The following CHRNA2 variants were observed in gnomAD, a reference collection of about 807,000 sequenced individuals.
The protein encoded by CHRNA2 is cholinergic receptor nicotinic alpha 2 subunit.
In CHRNA2, 40 loss-of-function variants were observed where a neutral mutation model predicts 45.5. That is an observed-to-expected ratio of 0.88 (90% confidence interval 0.68 to 1.15). The LOEUF is 1.15. CHRNA2 is among the 50% of genes most tolerant of loss of function. The pLI is 0.00. For missense variants in CHRNA2, 655 were observed against 701.7 expected, an observed-to-expected ratio of 0.93 and a Z score of 0.75; for synonymous variants, 301 against 296.7, an observed-to-expected ratio of 1.01 and a Z score of -0.15.
At chr8:27,465,671 C>T (rs753705052) in intron 5 of CHRNA2, among the ~76,000 whole-genome samples, 3 of 152,132 alleles carry the variant, frequency 2.0e-5, no homozygotes, top group South Asian at 2.1e-4. Context: ...CCTCCTGATC[C>T]GCCGGCCTCG....
intron 6 of CHRNA2, 144 bp from the exon 7 acceptor site, chr8:27,461,898 G>T: frequency 8.8e-7 from 1 of 1,132,862 alleles, no homozygotes; most frequent in South Asian, 1.3e-5. Flanking sequence ...TCAGCACAGG[G>T]AGCGGGGTGA....
chr8:27,465,455 C>T (rs76481807), intron 5 of CHRNA2, among the ~76,000 whole-genome samples: 15,323 of 151,872 alleles, frequency 0.1, 1,982 homozygotes, highest in African/African-American at 0.31. Context: ...TTTTTTGAGG[C>T]GGAATCTCAC....
In CHRNA2 at chr8:27,463,406, G is replaced by A. The variant is rs767656036; in HGVS notation, c.1037C>T (p.Thr346Ile). 1 of 1,614,180 alleles carries A rather than the reference G, an allele frequency of 6.2e-7. No individual in the cohort carries two copies. Among genetic ancestry groups the A allele is most frequent in the Non-Finnish European group, 8.5e-7 (1 of 1,180,044 alleles). The change falls in exon 6 of 7, where the codon ACC (threonine) becomes ATC (isoleucine). Residue 346 changes from threonine to isoleucine, a missense_variant. Transcript: ENST00000407991. This position sits in a 1 kb window ranked among gnomAD's most constrained non-coding sequence, Gnocchi z 6.1. ...MIFVTLSIVI[T>I]VFVLNVHHRS... ...GTGGTGCACATTGAGCACGAAGACG[G>A]TGATGACGATGGACAGGGTGACGAA...
At chr8:27,468,267 G>A (rs1334231306) in intron 4 of CHRNA2, among the ~76,000 whole-genome samples, 1 of 152,170 alleles carries the variant, frequency 6.6e-6, no homozygotes, top group Non-Finnish European at 1.5e-5. Context: ...TGGCAGCCCA[G>A]GTTCTAGGCC....
chr8:27,461,949 T>C (rs1400855396), intron 6 of CHRNA2, among the ~76,000 whole-genome samples, 195 bp from the exon 7 acceptor site: 1 of 151,954 alleles, frequency 6.6e-6, no homozygotes, highest in Non-Finnish European at 1.5e-5. Flanking sequence ...TCCAGTAAGC[T>C]CCACTGATGA....
At chr8:27,470,131 C>T (rs966574491) in intron 2 of CHRNA2, 150 bp from the exon 3 acceptor site, 30 of 791,166 alleles carry the variant, frequency 3.8e-5, no homozygotes, top group East Asian at 5.4e-5. Flanking sequence ...GAGCAGGCTG[C>T]GGGGTCGGAG....
chr8:27,467,295 C>T lies in CHRNA2; in HGVS notation c.383G>A (p.Gly128Asp), dbSNP rs138682847. 145 of 1,614,046 alleles carry T rather than the reference C, an allele frequency of 9.0e-5. No individual in the cohort carries two copies. In the African/African-American group the frequency reaches 1.3e-3, roughly 14 times the overall value. ...YKLRWNPTDFGNITSLRVPSE... is the reference protein window; with the variant it reads ...YKLRWNPTDFDNITSLRVPSE... ...AGGGACCCTGAGAGATGTGATGTTG[C>T]CAAAATCAGTGGGGTTCCAGCGCAG... The change falls in exon 5 of 7, where the codon GGC becomes GAC. Residue 128 changes from glycine (G) to aspartate (D), a missense_variant. Physicochemically the swap from Gly to Asp is moderately conservative, Grantham distance 94. Transcript: ENST00000407991.
At chr8:27,467,459 C>T in intron 4 of CHRNA2, 121 bp from the exon 5 acceptor site, 1 of 722,852 alleles carries the variant, frequency 1.4e-6, no homozygotes, top group Non-Finnish European at 2.4e-6. Context: ...GCCAGGGCTC[C>T]CCACCCAGCC....
chr8:27,462,877 G>A (rs757090069), intron 6 of CHRNA2, 102 bp downstream of exon 6: 31 of 1,436,080 alleles, frequency 2.2e-5, no homozygotes, highest in Admixed American at 5.1e-5. Flanking sequence ...GGGCCTTCAC[G>A]AGAGGGGCCT....
chr8:27,464,167 G>A (rs1295304054), intron 5 of CHRNA2, among the ~76,000 whole-genome samples, 174 bp from the exon 6 acceptor site: 8 of 152,148 alleles, frequency 5.3e-5, no homozygotes, highest in Admixed American at 4.6e-4. Flanking sequence ...TATAGCCACT[G>A]AGCTGTCTTG....
At chr8:27,478,656 G>A (rs1292990886) in intron 1 of CHRNA2, among the ~76,000 whole-genome samples, 168 bp downstream of exon 1, 2 of 152,152 alleles carry the variant, frequency 1.3e-5, no homozygotes, top group Non-Finnish European at 2.9e-5. Context: ...GACAGCTCCA[G>A]CAGGGACAAC....
rs756175616 is a variant in CHRNA2 at position 27,463,880 on chromosome 8, G to A, written c.563C>T (p.Thr188Ile). 3 of 1,614,204 alleles carry A rather than the reference G, an allele frequency of 1.9e-6. No individual in the cohort carries two copies. The highest frequency in any genetic ancestry group is 2.5e-6 in the Non-Finnish European group (3 of 1,180,048). The change falls in exon 6 of 7, where the codon ACC becomes ATC. Residue 188 changes from threonine (T) to isoleucine (I), a missense_variant. This residue lies in a region of CHRNA2 where 323 missense variants were observed against 354.4 expected (regional missense o/e 0.91). Transcript: ENST00000407991. This position sits in a 1 kb window ranked among gnomAD's most constrained non-coding sequence, Gnocchi z 6.1. ...IYKSSCSIDV[T>I]FFPFDQQNCK... ...GTTCTGCTGGTCGAAGGGGAAGAAG[G>A]TGACGTCGATGCTGCAGGAGCTCTT...
chr8:27,471,180 C>G lies in CHRNA2; in HGVS notation c.-122G>C. The G allele has an allele frequency of 1.1e-6, 1 of 901,010 alleles. No individual in the cohort carries two copies. Among genetic ancestry groups the G allele is most frequent in the Non-Finnish European group, 1.8e-6 (1 of 555,820 alleles). 55.8% of individuals were successfully genotyped at this position (901,010 alleles called of 1,614,324 possible). Reference sequence around the variant, plus strand: ...ATTCTGCTGGATTCTGCGAGGCTTCCTCTCACCACCGAACCTGAGCAAGCC... The same window carrying G: ...ATTCTGCTGGATTCTGCGAGGCTTCGTCTCACCACCGAACCTGAGCAAGCC... On this transcript the variant is annotated 5_prime_UTR_variant, in exon 2 of 7. Transcript: ENST00000407991.
Position 27,463,203 on chromosome 8 carries a change from C to A in CHRNA2, c.1240G>T (p.Glu414Ter), listed in dbSNP as rs968676056. 1 of 1,589,504 alleles carries A rather than the reference C, an allele frequency of 6.3e-7. No homozygotes were observed. Among genetic ancestry groups the A allele is most frequent in the Admixed American group, 1.7e-5 (1 of 59,116 alleles). ...LESNVDAEEREVVVEEEDRWA... is the reference protein window; with the variant it reads ...LESNVDAEER ...CTGTCCTCCTCCTCCACCACCACCT[C>A]CCTCTCCTCGGCATCCACGTTGCTC... Residue 414 changes from glutamate (E) to a stop codon, truncating the protein, a stop_gained, in exon 6 of 7, where the codon GAG becomes TAG. Transcript: ENST00000407991. LOFTEE classifies it high-confidence loss of function. This position sits in a 1 kb window ranked among gnomAD's most constrained non-coding sequence, Gnocchi z 6.1.
At chr8:27,475,266 C>T (rs1412052429) in intron 1 of CHRNA2, 1 of 152,174 alleles carries the variant, frequency 6.6e-6, no homozygotes, top group African/African-American at 2.4e-5. Flanking sequence ...TGCAGTTCAT[C>T]AATCAGCTGT....
At position 27,461,654 on chromosome 8, in the gene CHRNA2, G is replaced by C. The variant is rs767320056; in HGVS notation, c.1565C>G (p.Pro522Arg). Residue 522 changes from proline (P) to arginine (R), a missense_variant, in exon 7 of 7, where the codon CCT (proline) becomes CGT (arginine). Pro to Arg is a moderately radical substitution (Grantham distance 103). Transcript: ENST00000407991. ...CFLGTIGLFL[P>R]PFLAGMI Reference sequence around the variant, plus strand: ...TCAGATCATTCCAGCTAGGAACGGAGGCAGAAAGAGGCCGATGGTCCCCAG... The same window carrying C: ...TCAGATCATTCCAGCTAGGAACGGACGCAGAAAGAGGCCGATGGTCCCCAG... The C allele has an allele frequency of 1.2e-6, 2 of 1,614,280 alleles. No homozygotes were observed. Among genetic ancestry groups the C allele is most frequent in the Non-Finnish European group, 1.7e-6 (2 of 1,180,050 alleles).
At chr8:27,470,048 C>T (rs1431875582) in intron 2 of CHRNA2, 67 bp from the exon 3 acceptor site, 1 of 1,389,750 alleles carries the variant, frequency 7.2e-7, no homozygotes, top group Admixed American at 1.9e-5. Flanking sequence ...AATGGAGATG[C>T]TTATCCAGAA....
intron 2 of CHRNA2, 59 bp from the exon 3 acceptor site, chr8:27,470,040 T>C (rs1303804631): frequency 1.4e-6 from 2 of 1,453,990 alleles, no homozygotes; most frequent in Non-Finnish European, 9.5e-7. Context: ...ATCTGTAAAA[T>C]GGAGATGCTT....
Position 27,464,410 on chromosome 8 carries a change from G to A in CHRNA2, c.450-417C>T, listed in dbSNP as rs757182139. On this transcript the variant is annotated intron_variant, in intron 5 of 6. Coordinates refer to ENST00000407991, the MANE Select transcript of CHRNA2 (RefSeq NM_000742.4). ...ATTCATTTAATATTTTATTTTATTT[G>A]CAGTAAGGAAAGAGTTGAATAGACA... Among the ~76,000 whole-genome samples the A allele has an allele frequency of 1.2e-3, 189 of 152,058 alleles. 1 individual carries two copies. The highest frequency in any genetic ancestry group is 4.3e-4 in the Non-Finnish European group (29 of 67,998).
Sources: allele counts gnomAD v4.1 joint callset (sites outside exome capture counted in the v4.1 genomes callset), GRCh38; gene constraint gnomAD v4.1.1; regional missense constraint gnomAD v4.1.1; non-coding constraint Gnocchi (gnomAD v3.1); transcripts MANE v1.5; gene names NCBI Gene and HGNC (gene_info 2026-07-23, HGNC 2026-07-21).